Variants in EDA observed in about 807,000 individuals in gnomAD.
EDA encodes ectodysplasin-A.
Under a neutral mutation model 23.6 loss-of-function variants are expected in EDA, and 2 were observed. That is an observed-to-expected ratio of 0.08 (90% CI 0.03 to 0.27). The LOEUF is 0.27. Among genes scored for constraint, EDA ranks in the 10% least tolerant of loss-of-function variants. The pLI is 1.00. For missense variants in EDA, 229 were observed against 324.2 expected (o/e 0.71, Z 2.26); for synonymous variants, 131 against 132.0 (o/e 0.99, Z 0.05).
chrX:69,786,037 G>C (rs1366887882), intron 1 of EDA, among the ~76,000 whole-genome samples: 3 of 108,903 alleles, frequency 2.8e-5, no homozygotes, highest in Non-Finnish European at 5.8e-5. Flanking sequence ...TGTATGTGTC[G>C]AGGAATTTAT....
intron 1 of EDA, among the ~76,000 whole-genome samples, chrX:69,742,137 T>C (rs2013477306): frequency 9.0e-6 from 1 of 111,721 alleles, no homozygotes; most frequent in Non-Finnish European, 1.9e-5. Context: ...GAGATAAGGG[T>C]ATTTGAGGCC....
At chrX:69,903,977 A>T (rs1323515927) in intron 1 of EDA, among the ~76,000 whole-genome samples, 1 of 108,355 alleles carries the variant, frequency 9.2e-6, no homozygotes, top group Admixed American at 9.9e-5. Flanking sequence ...TGCCTGGCTA[A>T]TTTTTTTGTA....
At chrX:69,625,833 CTT>C (rs1176391668) in intron 1 of EDA, among the ~76,000 whole-genome samples, 3 of 100,120 alleles carry the variant, frequency 3.0e-5, no homozygotes, top group Admixed American at 1.1e-4. Context: ...TGGAAAGAAA[CTT>C]TTTTTTTTTT....
At chrX:69,792,627 A>C (rs2015434399) in intron 1 of EDA, among the ~76,000 whole-genome samples, 1 of 112,343 alleles carries the variant, frequency 8.9e-6, no homozygotes, top group African/African-American at 3.2e-5. Context: ...ATCCATGCCA[A>C]CATCTATCGT....
chrX:69,904,877 A>C (rs1336257989), intron 1 of EDA, among the ~76,000 whole-genome samples: 1 of 111,977 alleles, frequency 8.9e-6, no homozygotes, highest in African/African-American at 3.2e-5. Flanking sequence ...TTATAGCTGA[A>C]TAGGACTCCT....
chrX:69,943,122 G>A (rs1387681006), intron 1 of EDA, among the ~76,000 whole-genome samples: 1 of 111,359 alleles, frequency 9.0e-6, no homozygotes, highest in Non-Finnish European at 1.9e-5. Context: ...ATTTCATTGA[G>A]CTTCCTCAAA....
At chrX:69,729,749 C>T (rs894854749) in intron 1 of EDA, among the ~76,000 whole-genome samples, 1 of 111,680 alleles carries the variant, frequency 9.0e-6, no homozygotes, top group African/African-American at 3.3e-5. Context: ...AGCAGTCAAA[C>T]AAGTCAAGCA....
chrX:69,755,865 G>C (rs372437947), intron 1 of EDA, among the ~76,000 whole-genome samples: 1 of 112,779 alleles, frequency 8.9e-6, no homozygotes, highest in Non-Finnish European at 1.9e-5. Flanking sequence ...CTCCGAGCCA[G>C]GCATGGGATA....
chrX:69,860,542 T>C (rs2147594334), intron 1 of EDA, among the ~76,000 whole-genome samples: 1 of 111,789 alleles, frequency 8.9e-6, no homozygotes, highest in South Asian at 3.7e-4. Context: ...TTTAAGAGTG[T>C]TGAATATTGG....
chrX:69,838,412 G>T (rs1281258235), intron 1 of EDA, among the ~76,000 whole-genome samples: 1 of 112,455 alleles, frequency 8.9e-6, no homozygotes. Context: ...TGGATCACGA[G>T]GTCAAGAGAT....
chrX:69,754,554 G>A (rs1260956775), intron 1 of EDA, among the ~76,000 whole-genome samples: 1 of 111,074 alleles, frequency 9.0e-6, no homozygotes, highest in African/African-American at 3.3e-5. Context: ...TGGAGTTGCT[G>A]TTCTCGAGTA....
chrX:69,870,349 C>T (rs1167073030), intron 1 of EDA, among the ~76,000 whole-genome samples: 2 of 111,040 alleles, frequency 1.8e-5, no homozygotes, highest in African/African-American at 3.3e-5. Flanking sequence ...TCAAACAGTT[C>T]TTTTCCAGTG....
At chrX:69,974,173 G>A (rs978808817) in intron 2 of EDA, among the ~76,000 whole-genome samples, 2 of 110,408 alleles carry the variant, frequency 1.8e-5, no homozygotes, top group African/African-American at 6.6e-5. Flanking sequence ...AGATGAGAGT[G>A]AGAAGGAAAT....
intron 1 of EDA, among the ~76,000 whole-genome samples, chrX:69,767,943 G>A (rs2014519313): frequency 9.0e-6 from 1 of 111,730 alleles, no homozygotes; most frequent in Non-Finnish European, 1.9e-5. Context: ...TTTTCCTAAT[G>A]GCAGATTATA....
rs144251957 is a variant in EDA at position 69,877,442 on chromosome X, G to T, written c.397-79585G>T. Among the ~76,000 whole-genome samples, 376 of 112,331 alleles carry T rather than the reference G, an allele frequency of 3.3e-3. 1 individual carries two copies. The highest frequency in any genetic ancestry group is 5.6e-3 in the Non-Finnish European group (298 of 53,254). ...TATAGCAAAATTCCATTGAAATTTA[G>T]ATTTCTTTAATGATTAATAAAGTTG... is the stretch of plus-strand genomic sequence containing the variant. On this transcript the variant is annotated intron_variant, in intron 1 of 7. Coordinates refer to ENST00000374552, the MANE Select transcript of EDA (RefSeq NM_001399.5).
intron 1 of EDA, among the ~76,000 whole-genome samples, chrX:69,897,592 C>T (rs1008503890): frequency 4.5e-5 from 5 of 111,949 alleles, no homozygotes; most frequent in Non-Finnish European, 9.4e-5. Context: ...ACTTTTTTCT[C>T]TCCTGTCTAA....
At position 69,749,211 on chromosome X, in the gene EDA, A is replaced by T. The variant is rs770139520; in HGVS notation, c.396+132507A>T. ...GTGTTTGGTTTTTTGTTCTTGCGAT[A>T]GTTTACTGAGAATGATGGTTTCCAA... On this transcript the variant is annotated intron_variant, in intron 1 of 7. Coordinates refer to ENST00000374552, the MANE Select transcript of EDA (RefSeq NM_001399.5). Among the ~76,000 whole-genome samples the T allele has an allele frequency of 4.8e-5, 4 of 83,681 alleles. No homozygotes were observed. In the East Asian group the frequency reaches 1.6e-3, roughly 33 times the overall value. 72.7% of individuals were successfully genotyped at this position (83,681 alleles called of 115,157 possible).
At chrX:69,665,066 T>C (rs1569288023) in intron 1 of EDA, among the ~76,000 whole-genome samples, 1 of 111,986 alleles carries the variant, frequency 8.9e-6, no homozygotes, top group East Asian at 2.8e-4. Context: ...TGACTAATGA[T>C]GTAGAGCATT....
chrX:69,691,005 G>A (rs368038808), intron 1 of EDA, among the ~76,000 whole-genome samples: 3 of 111,390 alleles, frequency 2.7e-5, no homozygotes, highest in Non-Finnish European at 3.8e-5. Context: ...TTAGTAAATC[G>A]AGTCTTTATT....
Sources: allele counts gnomAD v4.1 joint callset (sites outside exome capture counted in the v4.1 genomes callset), GRCh38; gene constraint gnomAD v4.1.1; transcripts MANE v1.5; gene names NCBI Gene and HGNC (gene_info 2026-07-23, HGNC 2026-07-21).